The following RIC3 variants were observed in gnomAD, a reference collection of about 807,000 sequenced individuals.
The protein encoded by RIC3 is RIC3 acetylcholine receptor chaperone, also known as protein RIC-3.
A neutral mutation model predicts 27.3 loss-of-function variants in RIC3; 28 were observed. That is an observed-to-expected ratio of 1.02 (90% confidence interval 0.76 to 1.41). The LOEUF is 1.41. Among genes scored for constraint, RIC3 ranks in the 40% most tolerant of loss-of-function variants. The pLI is 0.00. For missense variants in RIC3, 501 were observed against 444.7 expected (o/e 1.13, Z -1.14); for synonymous variants, 184 against 160.4 (o/e 1.15, Z -1.11).
At chr11:8,101,638 T>TGGGGTTGCCCAGCCTGGAGCG (rs1308142504), downstream of RIC3, 3 of 1,613,436 alleles carry the variant, frequency 1.9e-6, no homozygotes, top group East Asian at 2.2e-5. Context: ...TCGTGCCCTT[T>TGGGGTTGCCCAGCCTGGAGCG]GGGGTTGCCC....
chr11:8,097,124 C>T, the RIC3 span: 1 of 1,316,814 alleles, frequency 7.6e-7, no homozygotes, highest in East Asian at 2.4e-5. Flanking sequence ...AGGATCCTTC[C>T]CTCTCTCCCA....
chr11:8,137,579 A>C, intron 3 of RIC3, 108 bp from the exon 4 acceptor site: 1 of 692,022 alleles, frequency 1.4e-6, no homozygotes, highest in Non-Finnish European at 2.4e-6. Flanking sequence ...TCCCATTACT[A>C]TCTCATTGAA....
At chr11:8,158,907 A>AT (rs1950927602) in intron 1 of RIC3, among the ~76,000 whole-genome samples, 1 of 147,792 alleles carries the variant, frequency 6.8e-6, no homozygotes, top group South Asian at 2.2e-4. Context: ...GAATTTTTGT[A>AT]TTTTTAGTAG....
At chr11:8,155,026 C>G (rs1157545748) in intron 1 of RIC3, among the ~76,000 whole-genome samples, 4 of 151,894 alleles carry the variant, frequency 2.6e-5, no homozygotes, top group Non-Finnish European at 4.4e-5. Flanking sequence ...CAAGACCAGT[C>G]TGGGCAAGAT....
downstream of RIC3, chr11:8,105,843 G>A (rs1564935840): frequency 6.6e-6 from 1 of 152,178 alleles, no homozygotes; most frequent in Admixed American, 6.5e-5. Context: ...AGATGAGGCT[G>A]AGATCCAGAG....
At chr11:8,111,432 G>C (rs1043414478) in intron 5 of RIC3, among the ~76,000 whole-genome samples, 1 of 152,126 alleles carries the variant, frequency 6.6e-6, no homozygotes, top group Non-Finnish European at 1.5e-5. Context: ...TACTGATGAA[G>C]ATTAAACAAA....
chr11:8,099,753 T>C, the RIC3 span, among the ~76,000 whole-genome samples: 22,563 of 152,172 alleles, frequency 0.15, 1,808 homozygotes, highest in African/African-American at 0.18. Flanking sequence ...AATTTCAGAA[T>C]GGCAGGGAGG....
At chr11:8,154,280 T>G (rs76025375) in intron 1 of RIC3, among the ~76,000 whole-genome samples, 2,566 of 152,302 alleles carry the variant, frequency 0.017, 76 homozygotes, top group African/African-American at 0.058. Flanking sequence ...TCAGAATGCG[T>G]GCTTTTAGAT....
chr11:8,094,810 C>T, the RIC3 span, among the ~76,000 whole-genome samples: 1 of 152,236 alleles, frequency 6.6e-6, no homozygotes, highest in Middle Eastern at 3.2e-3. Context: ...GGTTTCCAGG[C>T]CACTGCGTCA....
intron 4 of RIC3, 76 bp from the exon 5 acceptor site, chr11:8,126,883 G>T (rs1483234511): frequency 6.4e-7 from 1 of 1,558,132 alleles, no homozygotes; most frequent in Non-Finnish European, 8.8e-7. Context: ...ACTATGGTCT[G>T]TCTGGGTACT....
intron 2 of RIC3, chr11:8,139,572 C>T (rs1446388919): frequency 5.4e-6 from 1 of 184,630 alleles, no homozygotes; most frequent in East Asian, 1.5e-4. Flanking sequence ...ATCACTGTGC[C>T]AATCCCAATA....
the RIC3 span, chr11:8,096,887 A>T: frequency 6.6e-7 from 1 of 1,513,516 alleles, no homozygotes; most frequent in South Asian, 1.1e-5. Context: ...GAAGAGATGG[A>T]CTCGTATGCC....
intron 1 of RIC3, among the ~76,000 whole-genome samples, chr11:8,161,920 C>A (rs910381112): frequency 7.2e-6 from 1 of 138,802 alleles, no homozygotes; most frequent in African/African-American, 2.7e-5. Flanking sequence ...TCACTTTCTC[C>A]GGGCAATGGA....
At chr11:8,137,508 CA>C (rs1374125569) in intron 3 of RIC3, 37 bp from the exon 4 acceptor site, 1 of 1,566,014 alleles carries the variant, frequency 6.4e-7, no homozygotes, top group Non-Finnish European at 8.8e-7. Context: ...CCATCAGAGA[CA>C]ACTCCCTAAA....
the RIC3 span, chr11:8,096,870 T>G: frequency 1.3e-6 from 2 of 1,579,320 alleles, no homozygotes; most frequent in Admixed American, 3.3e-5. Context: ...AGAGGTGGAC[T>G]GCATGTGAAG....
intron 5 of RIC3, among the ~76,000 whole-genome samples, chr11:8,113,705 C>A (rs987452573): frequency 6.6e-6 from 1 of 152,122 alleles, no homozygotes; most frequent in African/African-American, 2.4e-5. Context: ...AGCATTGGGC[C>A]GGCCCTCAGA....
intron 5 of RIC3, among the ~76,000 whole-genome samples, chr11:8,123,926 T>C (rs1341270426): frequency 6.7e-6 from 1 of 150,062 alleles, no homozygotes; most frequent in Non-Finnish European, 1.5e-5. Flanking sequence ...ATTAAAAAAT[T>C]AGCCAGGCAT....
At chr11:8,160,325 A>AT (rs1951058371) in intron 1 of RIC3, among the ~76,000 whole-genome samples, 1 of 152,244 alleles carries the variant, frequency 6.6e-6, no homozygotes, top group South Asian at 2.1e-4. Context: ...ATATGGATTC[A>AT]TTTTACTACT....
At chr11:8,116,477 G>A (rs1246464207) in intron 5 of RIC3, among the ~76,000 whole-genome samples, 1 of 152,160 alleles carries the variant, frequency 6.6e-6, no homozygotes, top group Non-Finnish European at 1.5e-5. Context: ...CAACAGTAAA[G>A]AGACAATCTA....
Sources: gnomAD v4.1 joint callset for allele counts (sites outside exome capture counted in the v4.1 genomes callset) on GRCh38, gnomAD v4.1.1 for gene constraint, MANE v1.5 for transcripts, NCBI Gene and HGNC (gene_info 2026-07-23, HGNC 2026-07-21) for gene names.